SNTB2: variants seen among roughly 807,000 people sequenced by gnomAD.
The protein encoded by SNTB2 is syntrophin beta 2.
In SNTB2, 34 loss-of-function variants were observed where a neutral mutation model predicts 46.2. The ratio of observed to expected loss-of-function variants is 0.74; its 90% CI spans 0.56 to 0.98. The LOEUF (loss-of-function observed/expected upper bound fraction) is 0.98. SNTB2 is among the 50% of genes least tolerant of loss of function. SNTB2 has a pLI of 0.00. For synonymous variants in SNTB2, 290 were observed against 312.6 expected (o/e 0.93, Z 0.76); for missense variants, 603 against 731.4 (o/e 0.82, Z 2.02).
intron 4 of SNTB2, among the ~76,000 whole-genome samples, chr16:69,279,869 A>G (rs1312227581): frequency 6.7e-6 from 1 of 149,408 alleles, no homozygotes; most frequent in Non-Finnish European, 1.5e-5. Context: ...TAATTAATTA[A>G]TTTATTTATT....
intron 1 of SNTB2, among the ~76,000 whole-genome samples, chr16:69,244,733 T>G (rs1343799510): frequency 1.3e-5 from 2 of 152,266 alleles, no homozygotes; most frequent in African/African-American, 4.8e-5. Flanking sequence ...GGCTTTGTGC[T>G]TATTAGATCA....
At chr16:69,229,252 C>T (rs1035409562) in intron 1 of SNTB2, among the ~76,000 whole-genome samples, 2 of 152,106 alleles carry the variant, frequency 1.3e-5, no homozygotes, top group Admixed American at 6.5e-5. Context: ...ACACTGTAGC[C>T]TCAGCCACCC....
intron 1 of SNTB2, among the ~76,000 whole-genome samples, chr16:69,242,742 C>G (rs1964630206): frequency 6.6e-6 from 1 of 152,124 alleles, no homozygotes; most frequent in South Asian, 2.1e-4. Flanking sequence ...ATACGTGAGG[C>G]CGGGCATAGT....
intron 1 of SNTB2, among the ~76,000 whole-genome samples, chr16:69,230,737 C>G (rs1002355694): frequency 6.6e-6 from 1 of 150,754 alleles, no homozygotes; most frequent in African/African-American, 2.4e-5. Flanking sequence ...CCTAACCAAC[C>G]CGTTTCTTTC....
chr16:69,295,875 G>C (rs1431353971), intron 5 of SNTB2, among the ~76,000 whole-genome samples: 1 of 152,180 alleles, frequency 6.6e-6, no homozygotes, highest in African/African-American at 2.4e-5. Context: ...GCATCACTGT[G>C]GTGTGATGTA....
rs1964558503 is a variant in SNTB2 at position 69,236,154 on chromosome 16, T to C, written c.581-9448T>C. ...CTTGAAATCTTTTGGTGGGTTTTCT[T>C]GTGCAAGCAGTTTAGTAAGATATTT... is the stretch of plus-strand genomic sequence containing the variant. On this transcript the variant is annotated intron_variant, in intron 1 of 6. Transcript: ENST00000336278. Among the ~76,000 whole-genome samples the C allele has an allele frequency of 7.2e-5, 11 of 152,296 alleles. No individual in the cohort carries two copies. The South Asian group carries it at 2.3e-3, about 32-fold the overall frequency.
intron 5 of SNTB2, among the ~76,000 whole-genome samples, chr16:69,295,886 C>CTCAA (rs1170785261): frequency 1.3e-5 from 2 of 152,176 alleles, no homozygotes; most frequent in African/African-American, 4.8e-5. Flanking sequence ...GTGTGATGTA[C>CTCAA]TCAATGTTTA....
chr16:69,265,250 A>G (rs1964873380), intron 3 of SNTB2, among the ~76,000 whole-genome samples: 1 of 152,186 alleles, frequency 6.6e-6, no homozygotes, highest in Admixed American at 6.5e-5. Context: ...CTCTGTCAAA[A>G]GAAAAGAAAA....
chr16:69,253,716 T>C (rs1258659769), intron 2 of SNTB2, among the ~76,000 whole-genome samples: 1 of 152,186 alleles, frequency 6.6e-6, no homozygotes, highest in Non-Finnish European at 1.5e-5. Flanking sequence ...TCTATTCTCA[T>C]CTTTTTTCAG....
chr16:69,226,915 G>A (rs1964464339), intron 1 of SNTB2, among the ~76,000 whole-genome samples: 2 of 152,144 alleles, frequency 1.3e-5, no homozygotes, highest in Non-Finnish European at 2.9e-5. Flanking sequence ...TTACTAAGGA[G>A]AATTTTGCTT....
intron 1 of SNTB2, among the ~76,000 whole-genome samples, chr16:69,242,871 A>G (rs900492737): frequency 6.6e-6 from 1 of 152,126 alleles, no homozygotes; most frequent in Non-Finnish European, 1.5e-5. Context: ...AATACAAAAA[A>G]TTAGCCGGGC....
At position 69,304,936 on chromosome 16, in the gene SNTB2, GGGATTA is replaced by G. The variant is rs1227478084; in HGVS notation, c.*4013_*4018del. On this transcript the variant is annotated 3_prime_UTR_variant, in exon 7 of 7. Transcript: ENST00000336278. ...TTCTGCCTCAGCCTCCCAAAGTGCT[GGGATTA>G]CAGATGTGAGCCACTGCACCTGGCC... 4 of 150,966 alleles carry G rather than the reference GGGATTA, an allele frequency of 2.6e-5. No homozygotes were observed. 9.4% of individuals were successfully genotyped at this position (150,966 alleles called of 1,614,324 possible).
intron 1 of SNTB2, chr16:69,231,278 G>C (rs982921961): frequency 6.6e-6 from 1 of 152,008 alleles, no homozygotes; most frequent in Admixed American, 6.6e-5. Context: ...AGTATAAAGC[G>C]TAGAATTGAC....
chr16:69,216,687 C>CT (rs1964350540), intron 1 of SNTB2, among the ~76,000 whole-genome samples: 1 of 151,732 alleles, frequency 6.6e-6, no homozygotes, highest in African/African-American at 2.4e-5. Flanking sequence ...GACCCTGCCC[C>CT]CCCCCCAAAA....
chr16:69,292,412 TATATATTATATATATATATATATTA>T (rs1567416479), intron 5 of SNTB2, among the ~76,000 whole-genome samples: 3,631 of 23,578 alleles, frequency 0.15, 794 homozygotes, highest in African/African-American at 0.23. Flanking sequence ...ATATATTATA[TATATATTATATATATATATATATTA>T]TATATATATA....
chr16:69,205,415 G>C (rs1299063230), intron 1 of SNTB2, among the ~76,000 whole-genome samples: 1 of 150,854 alleles, frequency 6.6e-6, no homozygotes, highest in African/African-American at 2.4e-5. Context: ...GGCCAGGCTG[G>C]TCTCAAACTC....
chr16:69,299,523 A>T (rs544836627), intron 5 of SNTB2, 67 bp from the exon 6 acceptor site: 2 of 1,472,140 alleles, frequency 1.4e-6, no homozygotes, highest in Non-Finnish European at 1.9e-6. Flanking sequence ...AAGTCAGAAG[A>T]TTCCCTTTTC....
chr16:69,212,658 G>T (rs940816065), intron 1 of SNTB2, among the ~76,000 whole-genome samples: 3 of 145,392 alleles, frequency 2.1e-5, no homozygotes, highest in African/African-American at 7.7e-5. Flanking sequence ...TTTTGAGACG[G>T]AGTTTCACTC....
rs955262326 is a variant in SNTB2 at position 69,260,191 on chromosome 16, C to T, written c.936C>T (p.Ala312=). ...CACAGGTGTTGGCTGAACTCAACGC[C>T]ATGCTTGGGGCAACCAGTACAGCAG... ...LLPQVLAELN[A]MLGATSTAGG... Residue 312 remains alanine (A), a synonymous_variant, in exon 3 of 7, where the codon GCC becomes GCT. Transcript: ENST00000336278. 3.1e-6 allele frequency: 5 copies of T among 1,614,028 alleles called. No individual in the cohort carries two copies. The highest frequency in any genetic ancestry group is 4.2e-6 in the Non-Finnish European group (5 of 1,180,026).
Sources: gnomAD v4.1 joint callset for allele counts (sites outside exome capture counted in the v4.1 genomes callset) on GRCh38, gnomAD v4.1.1 for gene constraint, MANE v1.5 for transcripts, NCBI Gene and HGNC (gene_info 2026-07-23, HGNC 2026-07-21) for gene names.